The following VANGL1 variants were observed in gnomAD, a reference collection of about 807,000 sequenced individuals.
The protein encoded by VANGL1 is VANGL planar cell polarity protein 1.
Under a neutral mutation model 48.4 loss-of-function variants are expected in VANGL1, and 18 were observed. The observed-to-expected ratio is 0.37, with a 90% CI of 0.26 to 0.55. The LOEUF is 0.55. Ranked by LOEUF, VANGL1 falls within the 20% of genes least tolerant of loss-of-function variation. The pLI, the probability that VANGL1 is intolerant of heterozygous loss-of-function variation, is 0.81. For missense variants in VANGL1, 667 were observed against 675.8 expected, an observed-to-expected ratio of 0.99 and a Z score of 0.14; for synonymous variants, 257 against 261.8, an observed-to-expected ratio of 0.98 and a Z score of 0.18.
chr1:115,652,892 A>G (rs1020432503), intron 2 of VANGL1, among the ~76,000 whole-genome samples: 1 of 152,204 alleles, frequency 6.6e-6, no homozygotes, highest in South Asian at 2.1e-4. Flanking sequence ...ATTTTCATTT[A>G]TCTTTTTGTA....
chr1:115,681,513 T>TTG (rs1231319421), intron 4 of VANGL1, among the ~76,000 whole-genome samples: 5 of 101,252 alleles, frequency 4.9e-5, no homozygotes, highest in South Asian at 6.7e-4. Flanking sequence ...GTTTTTTTTG[T>TTG]TTTTTTTTTT....
intron 3 of VANGL1, 45 bp from the exon 4 acceptor site, chr1:115,663,616 C>T: frequency 2.5e-6 from 4 of 1,613,744 alleles, no homozygotes; most frequent in Non-Finnish European, 3.4e-6. Flanking sequence ...GTAGCTTTTA[C>T]AAATGACCTG....
rs187746199 is a variant in VANGL1, at chr1:115,687,162, T to C, written c.1314+1635T>C. Reference sequence around the variant, plus strand: ...TCACTAATCTCTCTCCTAGGAAAACTATTTCCTACAATCATATATACACAT... The same window carrying C: ...TCACTAATCTCTCTCCTAGGAAAACCATTTCCTACAATCATATATACACAT... On this transcript the variant is annotated intron_variant, in intron 7 of 7. Coordinates refer to ENST00000355485, the MANE Select transcript of VANGL1 (RefSeq NM_138959.3). Among the ~76,000 whole-genome samples the C allele has an allele frequency of 1.5e-3, 209 of 139,216 alleles. 47 individuals carry two copies. Among genetic ancestry groups the C allele is most frequent in the African/African-American group, 5.6e-3 (207 of 37,222 alleles). 91.3% of individuals were successfully genotyped at this position (139,216 alleles called of 152,430 possible).
intron 3 of VANGL1, among the ~76,000 whole-genome samples, chr1:115,661,949 A>G (rs1261873431): frequency 6.6e-6 from 1 of 152,012 alleles, no homozygotes; most frequent in Non-Finnish European, 1.5e-5. Context: ...TTTGGATAAA[A>G]CCTGAGAGTG....
Position 115,664,046 on chromosome 1 carries a change from T to G in VANGL1, c.590T>G (p.Val197Gly), listed in dbSNP as rs905065373. 7.4e-6 allele frequency: 12 copies of G among 1,614,080 alleles called. No homozygotes were observed. The African/African-American group carries it at 1.6e-4, about 22-fold the overall frequency. ...ALLLVLIFLF[V>G]VSYWLFYGVR... ...TTGTTGGTCCTCATCTTTCTCTTTG[T>G]GGTTTCCTATTGGCTTTTTTACGGG... Residue 197 changes from valine to glycine, a missense_variant, in exon 4 of 8, where the codon GTG becomes GGG. Transcript: ENST00000355485.
intron 7 of VANGL1, among the ~76,000 whole-genome samples, chr1:115,687,387 A>G (rs1242558104): frequency 7.2e-6 from 1 of 139,100 alleles, no homozygotes; most frequent in African/African-American, 2.7e-5. Context: ...ATATGTCTGC[A>G]GGTATAAAAT....
intron 1 of VANGL1, among the ~76,000 whole-genome samples, chr1:115,642,865 C>T (rs1302305985): frequency 6.6e-6 from 1 of 152,224 alleles, no homozygotes; most frequent in Non-Finnish European, 1.5e-5. Flanking sequence ...CCCCAAGCAT[C>T]GCGCCTAGAG....
At chr1:115,675,317 A>T (rs1278326309) in intron 4 of VANGL1, among the ~76,000 whole-genome samples, 2 of 152,178 alleles carry the variant, frequency 1.3e-5, no homozygotes, top group Non-Finnish European at 2.9e-5. Flanking sequence ...CCTGAGCAAC[A>T]TGGTGAAACC....
rs1396511454 is a variant in VANGL1 at position 115,694,189 on chromosome 1, A to T, written c.*2810A>T. The T allele has an allele frequency of 6.6e-6, 1 of 152,258 alleles. No homozygotes were observed. Among genetic ancestry groups the T allele is most frequent in the Non-Finnish European group, 1.5e-5 (1 of 68,048 alleles). The allele number at this position is 152,258 out of a possible 1,614,324, so 9.4% of individuals were successfully genotyped here. A position where few individuals can be genotyped will look rare whatever the true frequency, so the allele number is the denominator to read the frequency against. On this transcript the variant is annotated 3_prime_UTR_variant, in exon 8 of 8. Transcript: ENST00000355485. ...TTCATCCATCCTTTGCATTATCAAA[A>T]TGTTAAGTCAAATCTGTAATACTTT...
intron 4 of VANGL1, among the ~76,000 whole-genome samples, chr1:115,677,181 C>A (rs150114358): frequency 6.6e-6 from 1 of 152,282 alleles, no homozygotes; most frequent in South Asian, 2.1e-4. Context: ...AAAAATATGT[C>A]TTTCAGATTT....
At chr1:115,686,411 G>A (rs1159562458) in intron 7 of VANGL1, among the ~76,000 whole-genome samples, 1 of 150,676 alleles carries the variant, frequency 6.6e-6, no homozygotes, top group African/African-American at 2.4e-5. Context: ...CATTTTGGGT[G>A]TTACAGAATT....
intron 7 of VANGL1, among the ~76,000 whole-genome samples, chr1:115,688,202 A>G (rs1213751831): frequency 1.4e-5 from 2 of 137,978 alleles, no homozygotes; most frequent in African/African-American, 5.5e-5. Flanking sequence ...AAGTCAATAC[A>G]TACAGATCTT....
intron 7 of VANGL1, among the ~76,000 whole-genome samples, chr1:115,685,810 A>G (rs950455867): frequency 6.6e-6 from 1 of 152,118 alleles, no homozygotes; most frequent in African/African-American, 2.4e-5. Flanking sequence ...TTAGGGGTGC[A>G]TTGTGGACTC....
rs1339880523 is a variant in VANGL1, at chr1:115,696,785, T to C, written c.*5406T>C. ...GCCAGGTGCAGCACTGTGAAAAGTT[T>C]CTTTCAATATGGCACCAAGACTCTA... On this transcript the variant is annotated 3_prime_UTR_variant, in exon 8 of 8. Transcript: ENST00000355485. The C allele has an allele frequency of 2.0e-5, 3 of 152,184 alleles. No individual in the cohort carries two copies. Among genetic ancestry groups the C allele is most frequent in the Non-Finnish European group, 4.4e-5 (3 of 68,026 alleles). The allele number at this position is 152,184 out of a possible 1,614,324, so 9.4% of individuals were successfully genotyped here. A position where few individuals can be genotyped will look rare whatever the true frequency, so the allele number is the denominator to read the frequency against.
At chr1:115,660,586 A>T (rs1177824587) in intron 3 of VANGL1, among the ~76,000 whole-genome samples, 2 of 152,192 alleles carry the variant, frequency 1.3e-5, no homozygotes, top group African/African-American at 2.4e-5. Context: ...CATCTGAGCT[A>T]TACACAGAAA....
chr1:115,674,314 T>C lies in VANGL1; in HGVS notation c.813-8050T>C, dbSNP rs147430220. On this transcript the variant is annotated intron_variant, in intron 4 of 7. Transcript: ENST00000355485. ...TCTCTGGATCACTTGACTGTACTTA[T>C]TGTTTGAGTGGTACTCACCACTAAT... Among the ~76,000 whole-genome samples, 34 of 152,344 alleles carry C rather than the reference T, an allele frequency of 2.2e-4. No homozygotes were observed. The East Asian group carries it at 5.4e-3, about 24-fold the overall frequency.
chr1:115,689,995 A>G lies in VANGL1; in HGVS notation c.1315-1124A>G. ...TGTTCTTGACTCTGTCTGGGACCTG[A>G]TTGATATATCCCAGTATGTTTCTAT... is the stretch of plus-strand genomic sequence containing the variant. On this transcript the variant is annotated intron_variant, in intron 7 of 7. Coordinates refer to ENST00000355485, the MANE Select transcript of VANGL1 (RefSeq NM_138959.3). Among the ~76,000 whole-genome samples the G allele has an allele frequency of 1.4e-5, 2 of 138,954 alleles. 1 individual carries two copies. Among genetic ancestry groups the G allele is most frequent in the African/African-American group, 5.4e-5 (2 of 36,998 alleles). 91.2% of individuals were successfully genotyped at this position (138,954 alleles called of 152,430 possible).
chr1:115,685,017 T>C lies in VANGL1; in HGVS notation c.1080-276T>C, dbSNP rs11800022. ...AGGACTAGTGCATTTCCCAAGCTCATTGGTGGCAGAATTCAGAACAGAGTT... is the reference window on the plus strand; with the variant it reads ...AGGACTAGTGCATTTCCCAAGCTCACTGGTGGCAGAATTCAGAACAGAGTT... On this transcript the variant is annotated intron_variant, in intron 6 of 7. Coordinates refer to ENST00000355485, the MANE Select transcript of VANGL1 (RefSeq NM_138959.3). Among the ~76,000 whole-genome samples the C allele has an allele frequency of 0.081, 12,395 of 152,268 alleles. 614 individuals carry two copies. Among genetic ancestry groups the C allele is most frequent in the African/African-American group, 0.13 (5,601 of 41,534 alleles).
rs1653776944 is a variant in VANGL1 at position 115,690,114 on chromosome 1, G to A, written c.1315-1005G>A. On this transcript the variant is annotated intron_variant, in intron 7 of 7. Coordinates refer to ENST00000355485, the MANE Select transcript of VANGL1 (RefSeq NM_138959.3). ...TCGCATGCTGTCAAACTCCTAGTAT[G>A]TGCTAGGCACGTTGGAAATTCAAAT... Among the ~76,000 whole-genome samples, 2 of 105,432 alleles carry A rather than the reference G, an allele frequency of 1.9e-5. 1 individual carries two copies. Among genetic ancestry groups the A allele is most frequent in the Non-Finnish European group, 4.1e-5 (2 of 48,796 alleles). The allele number at this position is 105,432 out of a possible 152,430, so 69.2% of individuals were successfully genotyped here. A position where few individuals can be genotyped will look rare whatever the true frequency, so the allele number is the denominator to read the frequency against.
Sources: gnomAD v4.1 joint callset for allele counts (sites outside exome capture counted in the v4.1 genomes callset) on GRCh38, gnomAD v4.1.1 for gene constraint, MANE v1.5 for transcripts, NCBI Gene and HGNC (gene_info 2026-07-23, HGNC 2026-07-21) for gene names.